The following SHISA9 variants were observed in gnomAD, a reference collection of about 807,000 sequenced individuals.
SHISA9 encodes the protein protein shisa-9.
SHISA9 carries 13 observed loss-of-function variants against 38.0 expected under a neutral mutation model. The ratio of observed to expected loss-of-function variants is 0.34; its 90% CI spans 0.22 to 0.54. The LOEUF is 0.54. Among genes scored for constraint, SHISA9 ranks in the 20% least tolerant of loss-of-function variants. The probability of loss-of-function intolerance (pLI) is 0.91; values close to 1 mark genes in which losing one functional copy is unlikely to be tolerated. For synonymous variants in SHISA9, 275 were observed against 242.0 expected (o/e 1.14, Z -1.27); for missense variants, 538 against 575.8 (o/e 0.93, Z 0.67).
At chr16:13,108,111 C>G (rs2073944162) in intron 2 of SHISA9, among the ~76,000 whole-genome samples, 1 of 151,730 alleles carries the variant, frequency 6.6e-6, no homozygotes, top group Non-Finnish European at 1.5e-5. Flanking sequence ...AGTAGGATAT[C>G]CAAAGAGAGC....
the SHISA9 span, among the ~76,000 whole-genome samples, chr16:13,388,428 C>A: frequency 6.6e-6 from 1 of 151,906 alleles, no homozygotes; most frequent in African/African-American, 2.4e-5. Context: ...TCTCCTGCCT[C>A]AGCTTCCTGA....
chr16:13,215,676 C>A (rs574228527), intron 4 of SHISA9, among the ~76,000 whole-genome samples: 1 of 152,178 alleles, frequency 6.6e-6, no homozygotes, highest in South Asian at 2.1e-4. Context: ...TCTACCCAAA[C>A]CAAGCTAACT....
the SHISA9 span, among the ~76,000 whole-genome samples, chr16:13,432,484 T>G: frequency 6.6e-6 from 1 of 152,224 alleles, no homozygotes; most frequent in Non-Finnish European, 1.5e-5. Flanking sequence ...TTCCAGAGTT[T>G]GCATTCTAGA....
chr16:13,478,400 C>T, the SHISA9 span, among the ~76,000 whole-genome samples: 1 of 152,292 alleles, frequency 6.6e-6, no homozygotes, highest in Non-Finnish European at 1.5e-5. Flanking sequence ...CCCTAAGAAC[C>T]AGGCTTTCCC....
chr16:13,266,682 G>A, the SHISA9 span, among the ~76,000 whole-genome samples: 1 of 152,186 alleles, frequency 6.6e-6, no homozygotes, highest in Non-Finnish European at 1.5e-5. Context: ...GAAGTCCAAG[G>A]ATAGCTCTGG....
the SHISA9 span, among the ~76,000 whole-genome samples, chr16:13,281,562 T>C: frequency 1.4e-5 from 1 of 72,850 alleles, no homozygotes; most frequent in African/African-American, 3.7e-5. Context: ...CATTCCTCTG[T>C]TTTTTTTTTT....
chr16:13,263,868 A>G, the SHISA9 span, among the ~76,000 whole-genome samples: 3 of 152,358 alleles, frequency 2.0e-5, no homozygotes, highest in African/African-American at 7.2e-5. Context: ...GATTCTATAA[A>G]TAATTCAAAA....
chr16:13,462,410 A>G, the SHISA9 span, among the ~76,000 whole-genome samples: 2 of 152,238 alleles, frequency 1.3e-5, no homozygotes, highest in African/African-American at 4.8e-5. Flanking sequence ...GGCCTGAAGA[A>G]AACAGGTGTG....
the SHISA9 span, among the ~76,000 whole-genome samples, chr16:13,525,037 C>T: frequency 2.0e-5 from 3 of 152,172 alleles, no homozygotes; most frequent in Non-Finnish European, 4.4e-5. Flanking sequence ...AGTTCTCAAA[C>T]TATCTCAAAC....
At chr16:13,012,048 A>G (rs1358261294) in intron 2 of SHISA9, among the ~76,000 whole-genome samples, 3 of 143,476 alleles carry the variant, frequency 2.1e-5, no homozygotes, top group African/African-American at 7.9e-5. Flanking sequence ...CTTGTCTCGA[A>G]CTCCTGACCT....
At chr16:13,464,566 T>G in the SHISA9 span, among the ~76,000 whole-genome samples, 10 of 152,212 alleles carry the variant, frequency 6.6e-5, no homozygotes, top group African/African-American at 2.4e-4. Context: ...GAATTTCATG[T>G]CAATTTTGTT....
At chr16:13,561,211 T>G in the SHISA9 span, among the ~76,000 whole-genome samples, 1 of 152,160 alleles carries the variant, frequency 6.6e-6, no homozygotes, top group Admixed American at 6.5e-5. Flanking sequence ...GACAGAAATG[T>G]GCACTCAATG....
intron 2 of SHISA9, among the ~76,000 whole-genome samples, chr16:13,036,251 T>C (rs2073060959): frequency 6.6e-6 from 1 of 152,220 alleles, no homozygotes; most frequent in Non-Finnish European, 1.5e-5. Flanking sequence ...AATCTATTCA[T>C]AGGTGAGTGG....
At chr16:13,032,930 G>GAGATCA (rs1448508250) in intron 2 of SHISA9, among the ~76,000 whole-genome samples, 1 of 152,146 alleles carries the variant, frequency 6.6e-6, no homozygotes, top group Non-Finnish European at 1.5e-5. Context: ...GAGTCAGAGC[G>GAGATCA]AGATCAAGGA....
At chr16:13,208,545 G>A (rs969477868) in intron 3 of SHISA9, among the ~76,000 whole-genome samples, 1 of 149,854 alleles carries the variant, frequency 6.7e-6, no homozygotes, top group Non-Finnish European at 1.5e-5. Flanking sequence ...GGGTTCAAGC[G>A]ATTCTCCTAT....
At chr16:13,352,488 C>A in the SHISA9 span, among the ~76,000 whole-genome samples, 1 of 151,958 alleles carries the variant, frequency 6.6e-6, no homozygotes, top group Admixed American at 6.6e-5. Flanking sequence ...GTAGCTATAT[C>A]CAGCACCTCC....
At chr16:12,998,850 C>G (rs961434139) in intron 2 of SHISA9, among the ~76,000 whole-genome samples, 2 of 152,146 alleles carry the variant, frequency 1.3e-5, no homozygotes, top group Non-Finnish European at 2.9e-5. Flanking sequence ...TCATAAAGTA[C>G]AGTTGATCCT....
the SHISA9 span, among the ~76,000 whole-genome samples, chr16:13,257,518 T>C: frequency 6.6e-6 from 1 of 152,210 alleles, no homozygotes; most frequent in Non-Finnish European, 1.5e-5. Flanking sequence ...TCAGCTCTCT[T>C]GGCCTATGTG....
At chr16:13,211,652 C>T (rs189533196) in intron 3 of SHISA9, among the ~76,000 whole-genome samples, 12 of 152,260 alleles carry the variant, frequency 7.9e-5, no homozygotes, top group East Asian at 3.9e-4. Context: ...CTAAATGTTC[C>T]GTAGCCTATA....
Sources: gnomAD v4.1 joint callset for allele counts (sites outside exome capture counted in the v4.1 genomes callset) on GRCh38, gnomAD v4.1.1 for gene constraint, MANE v1.5 for transcripts, NCBI Gene and HGNC (gene_info 2026-07-23, HGNC 2026-07-21) for gene names.